PDGFRA: variants seen among roughly 807,000 people sequenced by gnomAD.
The protein encoded by PDGFRA is platelet derived growth factor receptor alpha, also known as platelet-derived growth factor receptor alpha.
Under a neutral mutation model 121.5 loss-of-function variants are expected in PDGFRA, and 25 were observed. That is an observed-to-expected ratio of 0.21 (90% CI 0.15 to 0.29). PDGFRA has a LOEUF of 0.29. Ranked by LOEUF, PDGFRA falls within the 10% of genes least tolerant of loss-of-function variation. The pLI is 1.00. For synonymous variants in PDGFRA, 463 were observed against 494.8 expected (o/e 0.94, Z 0.85); for missense variants, 1,008 against 1,345.1 (o/e 0.75, Z 3.92).
rs765319021 is a variant in PDGFRA, at chr4:54,267,418, A to G, written c.889A>G (p.Arg297Gly). 1 of 1,614,206 alleles carries G rather than the reference A, an allele frequency of 6.2e-7. No individual in the cohort carries two copies. The highest frequency in any genetic ancestry group is 1.1e-5 in the South Asian group (1 of 91,088). The change falls in exon 6 of 23, where the codon AGG becomes GGG. Residue 297 changes from arginine to glycine, a missense_variant. Arg to Gly is a moderately radical substitution (Grantham distance 125). Coordinates refer to ENST00000257290, the MANE Select transcript of PDGFRA (RefSeq NM_006206.6). The stretch of plus-strand genomic sequence containing the variant: ...CGAATGTGCTGCCCGCCAGGCTACC[A>G]GGGAGGTCAAAGAAATGAAGAAAGT... The part of the protein sequence containing the change: ...DYECAARQAT[R>G]EVKEMKKVTI...
Position 54,290,371 on chromosome 4 carries a change from T to A in PDGFRA, c.2939T>A (p.Met980Lys). ...LKSDHPAVARMRVDSDNAYIG... is the reference protein window; with the variant it reads ...LKSDHPAVARKRVDSDNAYIG... ...AGTGACCATCCTGCTGTGGCACGCA[T>A]GCGTGTGGACTCAGACAATGCATAC... The change falls in exon 22 of 23, where the codon ATG becomes AAG. Residue 980 changes from methionine to lysine, a missense_variant. By Grantham distance (95) the Met-to-Lys change is moderately conservative. This residue lies in a region of PDGFRA where 204 missense variants were observed against 243.0 expected (regional missense o/e 0.84). Coordinates refer to ENST00000257290, the MANE Select transcript of PDGFRA (RefSeq NM_006206.6). 1 of 1,613,142 alleles carries A rather than the reference T, an allele frequency of 6.2e-7. No individual in the cohort carries two copies. Among genetic ancestry groups the A allele is most frequent in the Non-Finnish European group, 8.5e-7 (1 of 1,179,024 alleles).
intron 16 of PDGFRA, among the ~76,000 whole-genome samples, chr4:54,281,058 T>C (rs886312932): frequency 2.0e-5 from 3 of 152,224 alleles, no homozygotes; most frequent in Non-Finnish European, 2.9e-5. Flanking sequence ...CTGTTGAATG[T>C]ATTTTGAAGG....
chr4:54,281,557 A>G (rs1724077594), intron 16 of PDGFRA: 29 of 1,336,772 alleles, frequency 2.2e-5, no homozygotes, highest in Non-Finnish European at 2.9e-5. Context: ...CATATTGTTA[A>G]AAATAGTTTA....
At chr4:54,288,694 G>T (rs142125556) in intron 19 of PDGFRA, 105 bp from the exon 20 acceptor site, 1 of 780,196 alleles carries the variant, frequency 1.3e-6, no homozygotes, top group African/African-American at 1.7e-5. Context: ...AGTGCTTCAA[G>T]GCTATAGGAT....
chr4:54,255,564 G>A (rs1722314930), intron 1 of PDGFRA, among the ~76,000 whole-genome samples: 1 of 148,448 alleles, frequency 6.7e-6, no homozygotes, highest in African/African-American at 2.5e-5. Flanking sequence ...GGAGTGCAGT[G>A]GCGCGATCTT....
intron 5 of PDGFRA, 158 bp downstream of exon 5, chr4:54,265,207 A>G: frequency 1.4e-6 from 1 of 703,350 alleles, no homozygotes; most frequent in Non-Finnish European, 2.6e-6. Context: ...AATGGCCTTT[A>G]GGACTCCTTG....
intron 5 of PDGFRA, among the ~76,000 whole-genome samples, chr4:54,266,050 G>A (rs564224611): frequency 6.6e-6 from 1 of 152,296 alleles, no homozygotes; most frequent in Admixed American, 6.5e-5. Flanking sequence ...ACACAGTGAA[G>A]GGACATTTAC....
intron 1 of PDGFRA, among the ~76,000 whole-genome samples, chr4:54,241,501 A>G (rs1028150811): frequency 6.6e-6 from 1 of 151,704 alleles, no homozygotes; most frequent in African/African-American, 2.4e-5. Flanking sequence ...GTAATTAGCC[A>G]TAACTGAAAG....
rs369219442 is a variant in PDGFRA at position 54,273,670 on chromosome 4, C to T, written c.1498C>T (p.Arg500Ter). Residue 500 changes from arginine to a stop codon, truncating the protein, a stop_gained, in exon 10 of 23, where the codon CGA becomes TGA. Coordinates refer to ENST00000257290, the MANE Select transcript of PDGFRA (RefSeq NM_006206.6). LOFTEE classifies it high-confidence loss of function. Reference protein sequence around the residue: ...FAKVEETIAVRCLAKNLLGAE... With the variant: ...FAKVEETIAV ...CAAAGTGGAGGAGACCATCGCCGTG[C>T]GATGCCTGGCTAAGAATCTCCTTGG... 1 of 1,614,030 alleles carries T rather than the reference C, an allele frequency of 6.2e-7. No individual in the cohort carries two copies. The highest frequency in any genetic ancestry group is 8.5e-7 in the Non-Finnish European group (1 of 1,180,010).
chr4:54,295,055 C>A (rs1724807783), intron 22 of PDGFRA, 70 bp from the exon 23 acceptor site: 2 of 1,485,082 alleles, frequency 1.3e-6, no homozygotes, highest in Non-Finnish European at 1.9e-6. Context: ...TCGTTTGTCT[C>A]TGGGGGGCCA....
intron 22 of PDGFRA, among the ~76,000 whole-genome samples, chr4:54,294,837 G>A (rs1245094931): frequency 2.0e-5 from 3 of 152,204 alleles, no homozygotes; most frequent in African/African-American, 7.2e-5. Context: ...CATTGCTTAT[G>A]TTCTCTTCCA....
At position 54,263,735 on chromosome 4, in the gene PDGFRA, G is replaced by C. The variant is rs1191201033; in HGVS notation, c.436G>C (p.Ala146Pro). The part of the protein sequence containing the change: ...YLVIVEDDDS[A>P]IIPCRTTDPE... ...AGTCATCGTGGAGGATGATGATTCT[G>C]CCATTATACCTTGTCGCACAACTGA... The change falls in exon 4 of 23, where the codon GCC becomes CCC. Residue 146 changes from alanine (A) to proline (P), a missense_variant. Coordinates refer to ENST00000257290, the MANE Select transcript of PDGFRA (RefSeq NM_006206.6). 1 of 1,613,900 alleles carries C rather than the reference G, an allele frequency of 6.2e-7. No individual in the cohort carries two copies. The highest frequency in any genetic ancestry group is 1.1e-5 in the South Asian group (1 of 91,072).
intron 12 of PDGFRA, among the ~76,000 whole-genome samples, chr4:54,276,281 T>G (rs949081522): frequency 6.7e-6 from 1 of 148,730 alleles, no homozygotes; most frequent in Non-Finnish European, 1.5e-5. Flanking sequence ...AGACACTGAT[T>G]TGAGTAATAG....
chr4:54,242,541 T>TTA (rs985482573), intron 1 of PDGFRA, among the ~76,000 whole-genome samples: 10 of 151,962 alleles, frequency 6.6e-5, no homozygotes, highest in East Asian at 5.8e-4. Flanking sequence ...ATAGTCATAT[T>TTA]TATATATATA....
At chr4:54,276,337 A>G (rs934930191) in intron 12 of PDGFRA, among the ~76,000 whole-genome samples, 2 of 151,114 alleles carry the variant, frequency 1.3e-5, no homozygotes, top group Non-Finnish European at 2.9e-5. Context: ...TGATTCGAGT[A>G]ATAGTAGTAA....
At position 54,261,552 on chromosome 4, in the gene PDGFRA, A is replaced by G. The variant is rs144366939; in HGVS notation, c.367+140A>G. 64 of 585,994 alleles carry G rather than the reference A, an allele frequency of 1.1e-4. No individual in the cohort carries two copies. The East Asian group carries it at 1.8e-3, about 16-fold the overall frequency. The allele number at this position is 585,994 out of a possible 1,614,324, so 36.3% of individuals were successfully genotyped here. ...AAAATGTAAGCGAACACACACAAAAATCATTTGTAATATTATCAAGAAATA... is the reference window on the plus strand; with the variant it reads ...AAAATGTAAGCGAACACACACAAAAGTCATTTGTAATATTATCAAGAAATA... On this transcript the variant is annotated intron_variant, in intron 3 of 22. Coordinates refer to ENST00000257290, the MANE Select transcript of PDGFRA (RefSeq NM_006206.6).
At chr4:54,278,544 A>G (rs367988662) in intron 15 of PDGFRA, 29 bp downstream of exon 15, 13 of 1,607,566 alleles carry the variant, frequency 8.1e-6, no homozygotes, top group South Asian at 5.5e-5. Context: ...GTTGCTGTCT[A>G]TCATTATCTT....
At chr4:54,252,796 G>A (rs193000656) in intron 1 of PDGFRA, among the ~76,000 whole-genome samples, 162 of 151,570 alleles carry the variant, frequency 1.1e-3, no homozygotes, top group Admixed American at 2.7e-3. Context: ...ATTGGTGATT[G>A]AGAAGCCAAC....
In PDGFRA at chr4:54,294,967, G is replaced by A. The variant is rs189218454; in HGVS notation, c.3123-158G>A. Among the ~76,000 whole-genome samples, 37 of 152,314 alleles carry A rather than the reference G, an allele frequency of 2.4e-4. No homozygotes were observed. The East Asian group carries it at 5.4e-3, about 22-fold the overall frequency. The stretch of plus-strand genomic sequence containing the variant: ...TGATGGGTGGACCTTGGTTTTCCAC[G>A]TGGCCTACCACAGCATGTCAGGCCT... On this transcript the variant is annotated intron_variant, in intron 22 of 22. Transcript: ENST00000257290.
Sources: allele counts gnomAD v4.1 joint callset (sites outside exome capture counted in the v4.1 genomes callset), GRCh38; gene constraint gnomAD v4.1.1; regional missense constraint gnomAD v4.1.1; transcripts MANE v1.5; gene names NCBI Gene and HGNC (gene_info 2026-07-23, HGNC 2026-07-21).